Variants in GSE1 observed in about 807,000 individuals in gnomAD.
GSE1 encodes genetic suppressor element 1.
In GSE1, 32 loss-of-function variants were observed where a neutral mutation model predicts 112.6. The observed-to-expected ratio is 0.28, with a 90% CI of 0.21 to 0.38. The LOEUF is 0.38. Ranked by LOEUF, GSE1 falls within the 10% of genes least tolerant of loss-of-function variation. The pLI is 1.00. For missense variants in GSE1, 2,348 were observed against 1,699.2 expected, an observed-to-expected ratio of 1.38 and a Z score of -6.71; for synonymous variants, 1,115 against 735.6, an observed-to-expected ratio of 1.52 and a Z score of -8.35.
chr16:85,496,557 C>T (rs1023519218), intron 2 of GSE1, among the ~76,000 whole-genome samples: 1 of 152,152 alleles, frequency 6.6e-6, no homozygotes, highest in Non-Finnish European at 1.5e-5. Flanking sequence ...GCAGGGGGGC[C>T]GACCCACCCA....
chr16:85,617,819 C>T (rs2048473731), intron 1 of GSE1, among the ~76,000 whole-genome samples: 1 of 152,100 alleles, frequency 6.6e-6, no homozygotes. Flanking sequence ...TGGGGTCTCT[C>T]TTCCCACCTG....
intron 2 of GSE1, among the ~76,000 whole-genome samples, chr16:85,494,482 T>C (rs1261570207): frequency 2.0e-5 from 3 of 149,310 alleles, no homozygotes; most frequent in Non-Finnish European, 4.4e-5. Flanking sequence ...AGACAGGGTC[T>C]CACTCTGTTG....
chr16:85,466,706 A>AGAGAGAGG (rs112068904), intron 2 of GSE1, among the ~76,000 whole-genome samples: 14 of 100,634 alleles, frequency 1.4e-4, no homozygotes, highest in African/African-American at 4.9e-4. Context: ...ATATATAGAG[A>AGAGAGAGG]GAGAGAGGGA....
At chr16:85,308,587 C>T (rs1035188189) in intron 1 of GSE1, among the ~76,000 whole-genome samples, 3 of 152,108 alleles carry the variant, frequency 2.0e-5, no homozygotes, top group Non-Finnish European at 2.9e-5. Context: ...ACCTTCTCAT[C>T]TATTTATTAA....
chr16:85,224,730 C>T (rs1469619515), intron 1 of GSE1, among the ~76,000 whole-genome samples: 1 of 152,060 alleles, frequency 6.6e-6, no homozygotes, highest in Non-Finnish European at 1.5e-5. Flanking sequence ...TGGCTCACGC[C>T]TGTAATCCCA....
intron 2 of GSE1, among the ~76,000 whole-genome samples, chr16:85,426,254 GATGAGTGAATGGATGAATGGATGGA>G (rs2048985204): frequency 6.8e-6 from 1 of 147,602 alleles, no homozygotes; most frequent in African/African-American, 2.5e-5. Context: ...TGGATGGATG[GATGAGTGAATGGATGAATGGATGGA>G]TAGATGGGTG....
Position 85,666,789 on chromosome 16 carries a change from G to T in GSE1, c.3130+442G>T, listed in dbSNP as rs1038075592. ...AGGGTAGAGCTTCCCTTCCTTCATG[G>T]TGGTATCTAAAGATGTCACCACCAG... On this transcript the variant is annotated intron_variant, in intron 13 of 15. Transcript: ENST00000253458. 2.0e-5 allele frequency among the ~76,000 whole-genome samples: 3 copies of T among 152,230 alleles called. No homozygotes were observed. In the South Asian group the frequency reaches 6.2e-4, roughly 32 times the overall value.
chr16:85,178,000 A>C (rs1342962427), intron 1 of GSE1, among the ~76,000 whole-genome samples: 2 of 151,986 alleles, frequency 1.3e-5, no homozygotes, highest in African/African-American at 4.8e-5. Context: ...TGGGCCAGGC[A>C]CTCCGGGAGC....
intron 2 of GSE1, among the ~76,000 whole-genome samples, chr16:85,425,728 C>G (rs1358030201): frequency 6.6e-6 from 1 of 152,170 alleles, no homozygotes; most frequent in Non-Finnish European, 1.5e-5. Context: ...GACCACTTAC[C>G]ACTAGGAAGA....
At chr16:85,256,886 A>G in intron 1 of GSE1, among the ~76,000 whole-genome samples, 1 of 152,216 alleles carries the variant, frequency 6.6e-6, no homozygotes, top group Non-Finnish European at 1.5e-5. Flanking sequence ...CCTCAGCTGC[A>G]CTCACTGAAT....
rs552670173 is a variant in GSE1 at position 85,221,667 on chromosome 16, G to A, written c.2283+49860G>A. The stretch of plus-strand genomic sequence containing the variant: ...TGCCGCCTGAATGGTCTCGGCCCCG[G>A]CTTCCTAAACAAGATGAGTGTTTGA... On this transcript the variant is annotated intron_variant, in intron 1 of 2. Transcript: ENST00000637419. Among the ~76,000 whole-genome samples the A allele has an allele frequency of 1.1e-4, 16 of 152,170 alleles. No homozygotes were observed. The South Asian group carries it at 1.2e-3, about 12-fold the overall frequency.
chr16:85,269,712 G>A (rs1234720180), intron 1 of GSE1, among the ~76,000 whole-genome samples: 1 of 148,958 alleles, frequency 6.7e-6, no homozygotes, highest in African/African-American at 2.4e-5. Flanking sequence ...GGCTCCCAGT[G>A]TCCCCAAAGA....
intron 1 of GSE1, among the ~76,000 whole-genome samples, chr16:85,319,947 C>T (rs949994448): frequency 6.6e-6 from 1 of 152,322 alleles, no homozygotes; most frequent in East Asian, 1.9e-4. Context: ...CCCTGGGTCC[C>T]GGGCTTACAA....
intron 1 of GSE1, among the ~76,000 whole-genome samples, chr16:85,217,719 A>G (rs145778009): frequency 4.8e-4 from 73 of 152,228 alleles, no homozygotes; most frequent in African/African-American, 1.7e-3. Flanking sequence ...CTCAAAGCCG[A>G]ACAGCCCAGC....
chr16:85,355,920 G>A (rs1338291765), intron 1 of GSE1, among the ~76,000 whole-genome samples: 5 of 152,190 alleles, frequency 3.3e-5, no homozygotes, highest in Admixed American at 1.3e-4. Context: ...CCAGCTACTC[G>A]GGAGGCTGAG....
chr16:85,403,091 T>TG (rs35955656), intron 2 of GSE1, among the ~76,000 whole-genome samples: 129,278 of 151,028 alleles, frequency 0.86, 57,694 homozygotes, highest in Non-Finnish European at 0.99. Flanking sequence ...CCATGGTTGC[T>TG]GGGGGGGGAC....
chr16:85,601,193 C>T (rs990689122), intron 1 of GSE1, among the ~76,000 whole-genome samples: 1 of 151,824 alleles, frequency 6.6e-6, no homozygotes, highest in East Asian at 1.9e-4. Context: ...TCCAGACGCC[C>T]CTAGTGCAGT....
intron 2 of GSE1, among the ~76,000 whole-genome samples, chr16:85,635,071 C>G (rs1005274743): frequency 6.6e-6 from 1 of 152,204 alleles, no homozygotes; most frequent in Non-Finnish European, 1.5e-5. Context: ...ATGCAGGAGC[C>G]ATGTCCGTCT....
chr16:85,247,680 T>G (rs886875872), intron 1 of GSE1, among the ~76,000 whole-genome samples: 2 of 152,194 alleles, frequency 1.3e-5, no homozygotes, highest in Non-Finnish European at 2.9e-5. Flanking sequence ...CAGCTGGCCC[T>G]GGGCAGGTCA....
Sources: allele counts gnomAD v4.1 joint callset (sites outside exome capture counted in the v4.1 genomes callset), GRCh38; gene constraint gnomAD v4.1.1; transcripts MANE v1.5; gene names NCBI Gene and HGNC (gene_info 2026-07-23, HGNC 2026-07-21).